MSI2: variants seen among roughly 807,000 people sequenced by gnomAD.
MSI2 encodes musashi RNA binding protein 2, also known as RNA-binding protein Musashi homolog 2.
A neutral mutation model predicts 45.6 loss-of-function variants in MSI2; 17 were observed. That is an observed-to-expected ratio of 0.37 (90% confidence interval 0.26 to 0.56). MSI2 has a LOEUF of 0.56. Ranked by LOEUF, MSI2 falls within the 20% of genes least tolerant of loss-of-function variation. The pLI is 0.77. For missense variants in MSI2, 293 were observed against 444.2 expected, an observed-to-expected ratio of 0.66 and a Z score of 3.06; for synonymous variants, 156 against 158.2, an observed-to-expected ratio of 0.99 and a Z score of 0.11.
chr17:57,406,532 T>C (rs1385186384), intron 6 of MSI2, among the ~76,000 whole-genome samples: 1 of 152,232 alleles, frequency 6.6e-6, no homozygotes, highest in Non-Finnish European at 1.5e-5. Context: ...AGTGCCGAGC[T>C]CGCTAGGTAA....
intron 11 of MSI2, among the ~76,000 whole-genome samples, chr17:57,658,450 G>A (rs1395865373): frequency 1.3e-5 from 2 of 152,218 alleles, no homozygotes; most frequent in Admixed American, 6.5e-5. Flanking sequence ...ACCATAAAGA[G>A]TCCAGCATTG....
At chr17:57,399,093 C>T (rs930679830) in intron 5 of MSI2, among the ~76,000 whole-genome samples, 3 of 152,104 alleles carry the variant, frequency 2.0e-5, no homozygotes, top group Non-Finnish European at 2.9e-5. Flanking sequence ...CAAGTGACCT[C>T]GATTTACCAG....
chr17:57,344,373 C>T (rs1426104493), intron 5 of MSI2, among the ~76,000 whole-genome samples: 2 of 152,206 alleles, frequency 1.3e-5, no homozygotes, highest in African/African-American at 4.8e-5. Flanking sequence ...GTGGGAGGCC[C>T]TTCATTCTGA....
chr17:57,594,837 C>T (rs1190905559), intron 7 of MSI2, among the ~76,000 whole-genome samples: 1 of 152,196 alleles, frequency 6.6e-6, no homozygotes, highest in African/African-American at 2.4e-5. Flanking sequence ...CTCCAGCAGA[C>T]ACTCATGTCC....
chr17:57,454,213 C>G (rs1183967614), intron 6 of MSI2, among the ~76,000 whole-genome samples: 2 of 152,140 alleles, frequency 1.3e-5, no homozygotes, highest in Admixed American at 1.3e-4. Flanking sequence ...ATTAATAGTG[C>G]CTTTGGCAGC....
At chr17:57,281,796 T>C (rs1909446658) in intron 5 of MSI2, among the ~76,000 whole-genome samples, 1 of 152,154 alleles carries the variant, frequency 6.6e-6, no homozygotes, top group Non-Finnish European at 1.5e-5. Context: ...GCAATCAGGT[T>C]GACTGACAAC....
intron 5 of MSI2, among the ~76,000 whole-genome samples, chr17:57,373,398 C>CT (rs1332946426): frequency 6.6e-6 from 1 of 152,064 alleles, no homozygotes; most frequent in African/African-American, 2.4e-5. Flanking sequence ...AGTTTGTGTC[C>CT]TTTTTTCTTT....
chr17:57,555,767 T>C (rs2087420731), intron 7 of MSI2, among the ~76,000 whole-genome samples: 1 of 152,174 alleles, frequency 6.6e-6, no homozygotes, highest in Non-Finnish European at 1.5e-5. Context: ...AGTGATGGTG[T>C]TTATCCTCAC....
chr17:57,292,802 T>C (rs139322888), intron 5 of MSI2, among the ~76,000 whole-genome samples: 1 of 152,174 alleles, frequency 6.6e-6, no homozygotes, highest in African/African-American at 2.4e-5. Flanking sequence ...TTTCTGTGAG[T>C]TGCTTTAGGG....
intron 7 of MSI2, chr17:57,531,930 C>T (rs1346682686): frequency 1.3e-5 from 2 of 152,302 alleles, no homozygotes; most frequent in Non-Finnish European, 2.9e-5. Context: ...AGTGCTGGGC[C>T]GCAGAGATGG....
At chr17:57,644,370 T>C (rs944631660) in intron 10 of MSI2, among the ~76,000 whole-genome samples, 3 of 152,120 alleles carry the variant, frequency 2.0e-5, no homozygotes, top group African/African-American at 7.2e-5. Context: ...ACTCCAAACA[T>C]GTGCCATCCA....
rs992463526 is a variant in MSI2 at position 57,507,241 on chromosome 17, G to C, written c.406-22435G>C. Among the ~76,000 whole-genome samples the C allele has an allele frequency of 5.2e-3, 566 of 108,432 alleles. 12 individuals are homozygous for C. The highest frequency in any genetic ancestry group is 0.016 in the African/African-American group (397 of 24,174). 71.1% of individuals were successfully genotyped at this position (108,432 alleles called of 152,430 possible). A position where few individuals can be genotyped will look rare whatever the true frequency, so the allele number is the denominator to read the frequency against. The stretch of plus-strand genomic sequence containing the variant: ...TTTGTCTCTCTGTGTGTGTGTGTGT[G>C]TGTGTGTGTGTGTGTGTGTGTGTGT... On this transcript the variant is annotated intron_variant, in intron 6 of 13. Coordinates refer to ENST00000284073, the MANE Select transcript of MSI2 (RefSeq NM_138962.4).
intron 5 of MSI2, among the ~76,000 whole-genome samples, chr17:57,399,414 A>G (rs2083948040): frequency 6.6e-6 from 1 of 152,244 alleles, no homozygotes; most frequent in African/African-American, 2.4e-5. Context: ...GTCCATGACA[A>G]GGATATTCAA....
At chr17:57,490,225 GTTC>G (rs925657396) in intron 6 of MSI2, among the ~76,000 whole-genome samples, 1 of 152,204 alleles carries the variant, frequency 6.6e-6, no homozygotes, top group Non-Finnish European at 1.5e-5. Flanking sequence ...GTAGATGCTA[GTTC>G]TTCTTTCTCT....
intron 6 of MSI2, among the ~76,000 whole-genome samples, chr17:57,413,288 TC>T (rs1441328103): frequency 3.3e-5 from 5 of 152,324 alleles, no homozygotes; most frequent in African/African-American, 9.6e-5. Context: ...AAAAAGCCCT[TC>T]CTGCATCTTC....
chr17:57,429,797 G>T (rs1328535079), intron 6 of MSI2, among the ~76,000 whole-genome samples: 1 of 152,026 alleles, frequency 6.6e-6, no homozygotes, highest in Non-Finnish European at 1.5e-5. Context: ...TCTCATCCTG[G>T]AGAACCAGCA....
At chr17:57,533,681 C>G (rs1172404606) in intron 7 of MSI2, among the ~76,000 whole-genome samples, 1 of 152,178 alleles carries the variant, frequency 6.6e-6, no homozygotes, top group Non-Finnish European at 1.5e-5. Context: ...CAGAAGTGCT[C>G]TTGATCAGGA....
chr17:57,413,230 G>T (rs1411216449), intron 6 of MSI2, among the ~76,000 whole-genome samples: 1 of 152,096 alleles, frequency 6.6e-6, no homozygotes, highest in Non-Finnish European at 1.5e-5. Flanking sequence ...ATCCTGTGGG[G>T]GAGCTTACCA....
chr17:57,558,283 A>G (rs2087486940), intron 7 of MSI2, among the ~76,000 whole-genome samples: 1 of 152,192 alleles, frequency 6.6e-6, no homozygotes, highest in South Asian at 2.1e-4. Context: ...ATGCTCTAAA[A>G]ATGGCCCCGA....
Sources: gnomAD v4.1 joint callset for allele counts (sites outside exome capture counted in the v4.1 genomes callset) on GRCh38, gnomAD v4.1.1 for gene constraint, MANE v1.5 for transcripts, NCBI Gene and HGNC (gene_info 2026-07-23, HGNC 2026-07-21) for gene names.